Variants in CCDC3 observed in about 807,000 individuals in gnomAD.
CCDC3 encodes coiled-coil domain containing 3.
In CCDC3, 24 loss-of-function variants were observed where a neutral mutation model predicts 21.4. That is an observed-to-expected ratio of 1.12 (90% CI 0.81 to 1.58). The LOEUF (loss-of-function observed/expected upper bound fraction) is 1.58, where lower values mean the gene tolerates loss of function less well. Ranked by LOEUF, CCDC3 falls within the 40% of genes most tolerant of loss-of-function variation. CCDC3 has a pLI of 0.00. For synonymous variants in CCDC3, 186 were observed against 166.0 expected (o/e 1.12, Z -0.93); for missense variants, 425 against 360.9 (o/e 1.18, Z -1.44).
intron 2 of CCDC3, among the ~76,000 whole-genome samples, chr10:12,987,100 C>T (rs1325730136): frequency 6.6e-6 from 1 of 152,280 alleles, no homozygotes; most frequent in East Asian, 1.9e-4. Context: ...CAGCCCTGTC[C>T]TCTGCTGTGT....
chr10:12,986,423 C>T (rs1414932328), intron 2 of CCDC3, among the ~76,000 whole-genome samples: 1 of 152,200 alleles, frequency 6.6e-6, no homozygotes, highest in Non-Finnish European at 1.5e-5. Flanking sequence ...CTGTACATTT[C>T]TTTGCAACTG....
At chr10:13,067,441 A>C (rs1836834821) in intron 4 of CCDC3, among the ~76,000 whole-genome samples, 1 of 151,720 alleles carries the variant, frequency 6.6e-6, no homozygotes, top group South Asian at 2.1e-4. Flanking sequence ...AATAAGGATC[A>C]CTGTTTATAT....
chr10:12,923,182 G>A (rs76631433), intron 2 of CCDC3, among the ~76,000 whole-genome samples: 60 of 152,282 alleles, frequency 3.9e-4, no homozygotes, highest in African/African-American at 1.4e-3. Flanking sequence ...CTTCTAGAAG[G>A]GAAAGTAATC....
chr10:12,977,042 G>A (rs145114959), intron 2 of CCDC3, among the ~76,000 whole-genome samples: 1 of 152,202 alleles, frequency 6.6e-6, no homozygotes, highest in Non-Finnish European at 1.5e-5. Flanking sequence ...GGGAGGCCAA[G>A]GTGGGCAGAT....
intron 2 of CCDC3, among the ~76,000 whole-genome samples, chr10:12,936,923 CAACT>C (rs1482990249): frequency 2.0e-5 from 3 of 152,146 alleles, no homozygotes; most frequent in African/African-American, 7.2e-5. Flanking sequence ...GATCCTGTCT[CAACT>C]AACTAAAGAA....
At chr10:12,905,039 G>C (rs12570009) in intron 2 of CCDC3, among the ~76,000 whole-genome samples, 53,631 of 151,334 alleles carry the variant, frequency 0.35, 9,750 homozygotes, top group East Asian at 0.44. Flanking sequence ...AAATAACCAC[G>C]TATAAAGACA....
intron 2 of CCDC3, among the ~76,000 whole-genome samples, chr10:12,932,020 C>A (rs7097303): frequency 0.097 from 14,742 of 152,244 alleles, 755 homozygotes; most frequent in African/African-American, 0.13. Flanking sequence ...AACCTCCCCT[C>A]CTATGGATGT....
intron 2 of CCDC3, among the ~76,000 whole-genome samples, chr10:12,938,808 T>C (rs370376235): frequency 6.6e-6 from 1 of 152,230 alleles, no homozygotes; most frequent in African/African-American, 2.4e-5. Context: ...TTGTGCCTCC[T>C]TCCCTATCCA....
At chr10:12,971,861 G>T (rs1033856257) in intron 2 of CCDC3, among the ~76,000 whole-genome samples, 1 of 151,866 alleles carries the variant, frequency 6.6e-6, no homozygotes, top group Non-Finnish European at 1.5e-5. Context: ...TAATTTTTTT[G>T]TATTTTTAGT....
intron 2 of CCDC3, among the ~76,000 whole-genome samples, chr10:12,986,281 A>G (rs941954516): frequency 6.6e-6 from 1 of 152,210 alleles, no homozygotes; most frequent in Non-Finnish European, 1.5e-5. Context: ...GTGCCTGTGT[A>G]ATGACTGAAT....
chr10:12,955,390 T>C (rs1835067760), intron 2 of CCDC3, among the ~76,000 whole-genome samples: 1 of 152,230 alleles, frequency 6.6e-6, no homozygotes, highest in African/African-American at 2.4e-5. Flanking sequence ...TAGAGTCTCA[T>C]TCCTGTGTGA....
chr10:12,900,502 C>A (rs1157759181), intron 2 of CCDC3, among the ~76,000 whole-genome samples: 4 of 117,978 alleles, frequency 3.4e-5, no homozygotes, highest in African/African-American at 1.3e-4. Context: ...CAGGGTGAAA[C>A]CCCATTTCTA....
chr10:13,001,096 G>A, intron 1 of CCDC3, 101 bp downstream of exon 1: 1 of 1,428,332 alleles, frequency 7.0e-7, no homozygotes, highest in Non-Finnish European at 9.3e-7. Flanking sequence ...ACTTGACACC[G>A]ACAGGCTGCC....
At chr10:12,904,139 C>T (rs1196119769) in intron 2 of CCDC3, among the ~76,000 whole-genome samples, 2 of 151,910 alleles carry the variant, frequency 1.3e-5, no homozygotes, top group Non-Finnish European at 2.9e-5. Flanking sequence ...TCTGGTGGTT[C>T]CACTTGGCCA....
chr10:13,014,471 G>GAAAAAAAAAAAAAAA (rs58040998), intron 5 of CCDC3, among the ~76,000 whole-genome samples: 2 of 137,608 alleles, frequency 1.5e-5, no homozygotes, highest in Admixed American at 7.7e-5. Context: ...AAAAAAAAAA[G>GAAAAAAAAAAAAAAA]AAAAAAAAAA....
chr10:12,997,783 G>A (rs562963542), intron 2 of CCDC3, among the ~76,000 whole-genome samples: 6 of 152,268 alleles, frequency 3.9e-5, no homozygotes, highest in Middle Eastern at 3.4e-3. Flanking sequence ...CATAATTATA[G>A]TTTTTACATA....
At chr10:12,914,428 C>T (rs1435084826) in intron 2 of CCDC3, among the ~76,000 whole-genome samples, 1 of 151,972 alleles carries the variant, frequency 6.6e-6, no homozygotes. Context: ...AATTTCTCCT[C>T]TTTCATTTCT....
At chr10:13,058,281 C>G in intron 4 of CCDC3, 1 of 1,369,352 alleles carries the variant, frequency 7.3e-7, no homozygotes, top group Non-Finnish European at 1.0e-6. Flanking sequence ...TCAATGCTTT[C>G]CACATCGTAT....
At chr10:13,004,210 A>G (rs1835898957), upstream of CCDC3, among the ~76,000 whole-genome samples, 2 of 152,210 alleles carry the variant, frequency 1.3e-5, no homozygotes, top group African/African-American at 4.8e-5. Flanking sequence ...CACAGTAAGT[A>G]CACTTTAAGA....
Sources: allele counts gnomAD v4.1 joint callset (sites outside exome capture counted in the v4.1 genomes callset), GRCh38; gene constraint gnomAD v4.1.1; transcripts MANE v1.5; gene names NCBI Gene and HGNC (gene_info 2026-07-23, HGNC 2026-07-21).